OCA2: variants seen among roughly 807,000 people sequenced by gnomAD.
The protein encoded by OCA2 is OCA2 melanosomal transmembrane protein.
Under a neutral mutation model 100.2 loss-of-function variants are expected in OCA2, and 77 were observed. That is an observed-to-expected ratio of 0.77 (90% CI 0.64 to 0.93). OCA2 has a LOEUF of 0.93. Ranked by LOEUF, OCA2 falls within the 40% of genes least tolerant of loss-of-function variation. The pLI is 0.00. For synonymous variants in OCA2, 432 were observed against 439.2 expected (o/e 0.98, Z 0.21); for missense variants, 1,062 against 1,089.1 (o/e 0.98, Z 0.35).
At chr15:27,762,843 T>C (rs553048097) in intron 23 of OCA2, among the ~76,000 whole-genome samples, 16 of 152,386 alleles carry the variant, frequency 1.0e-4, no homozygotes, top group Middle Eastern at 3.4e-3. Flanking sequence ...AATCTCATGC[T>C]GATAACACAT....
chr15:27,856,735 T>C (rs548752389), intron 21 of OCA2, among the ~76,000 whole-genome samples: 20 of 149,624 alleles, frequency 1.3e-4, no homozygotes, highest in African/African-American at 4.2e-4. Context: ...CACACACACA[T>C]TTTTTGGGAG....
At chr15:27,811,389 TA>T (rs559135439) in intron 23 of OCA2, among the ~76,000 whole-genome samples, 1 of 151,998 alleles carries the variant, frequency 6.6e-6, no homozygotes, top group South Asian at 2.1e-4. Flanking sequence ...AGGTGTGACA[TA>T]AAAAATTACA....
chr15:28,036,956 A>G (rs1258404610), intron 2 of OCA2, among the ~76,000 whole-genome samples: 1 of 152,102 alleles, frequency 6.6e-6, no homozygotes, highest in Non-Finnish European at 1.5e-5. Flanking sequence ...AGCCGGTAAC[A>G]AGGAATACAA....
intron 2 of OCA2, among the ~76,000 whole-genome samples, chr15:28,072,753 A>G (rs1013275014): frequency 6.6e-6 from 1 of 152,150 alleles, no homozygotes; most frequent in Non-Finnish European, 1.5e-5. Context: ...ATGAGATACC[A>G]TCTCACACCA....
intron 23 of OCA2, among the ~76,000 whole-genome samples, chr15:27,798,148 T>C (rs1207690630): frequency 2.0e-5 from 3 of 152,120 alleles, no homozygotes; most frequent in Admixed American, 6.5e-5. Flanking sequence ...GAAAAGAAGA[T>C]GAAAATGTCT....
At chr15:28,051,289 T>G (rs909162581) in intron 2 of OCA2, among the ~76,000 whole-genome samples, 1 of 151,922 alleles carries the variant, frequency 6.6e-6, no homozygotes. Flanking sequence ...TTTATGGTTT[T>G]GTTTTGTTTT....
At chr15:27,970,474 C>CA (rs2040737427) in intron 14 of OCA2, among the ~76,000 whole-genome samples, 1 of 152,202 alleles carries the variant, frequency 6.6e-6, no homozygotes, top group African/African-American at 2.4e-5. Flanking sequence ...AACGCCCCAG[C>CA]AGGCACGGCA....
At chr15:28,017,587 C>T (rs1271061481) in intron 7 of OCA2, among the ~76,000 whole-genome samples, 1 of 152,218 alleles carries the variant, frequency 6.6e-6, no homozygotes, top group Non-Finnish European at 1.5e-5. Flanking sequence ...GCGTCAGCCA[C>T]GGTCCAGGAC....
rs547284617 is a variant in OCA2, at chr15:27,851,275, A to G, written c.2338+107T>C. ...TGTGTGTCCACTCAGGAAATCATCCAGACTCTCCTTCATTTGCTTTTAATC... is the reference window on the plus strand; with the variant it reads ...TGTGTGTCCACTCAGGAAATCATCCGGACTCTCCTTCATTTGCTTTTAATC... On this transcript the variant is annotated intron_variant, in intron 22 of 23. Coordinates refer to ENST00000354638, the MANE Select transcript of OCA2 (RefSeq NM_000275.3). The G allele has an allele frequency of 7.0e-4, 645 of 921,792 alleles. 2 individuals carry two copies. In the African/African-American group the frequency reaches 9.7e-3, roughly 14 times the overall value. The allele number at this position is 921,792 out of a possible 1,614,324, so 57.1% of individuals were successfully genotyped here.
rs117729381 is a variant in OCA2, at chr15:28,048,993, C to A, written c.228-16830G>T. Reference sequence around the variant, plus strand: ...CTCCAGCCTGGGTTACAGAGCAACACCCTGTCTCAAAAACAAGAGAACAAA... The same window carrying A: ...CTCCAGCCTGGGTTACAGAGCAACAACCTGTCTCAAAAACAAGAGAACAAA... On this transcript the variant is annotated intron_variant, in intron 2 of 23. Coordinates refer to ENST00000354638, the MANE Select transcript of OCA2 (RefSeq NM_000275.3). Among the ~76,000 whole-genome samples the A allele has an allele frequency of 1.1e-4, 16 of 152,188 alleles. No homozygotes were observed. In the East Asian group the frequency reaches 3.1e-3, roughly 29 times the overall value.
chr15:28,083,440 C>T (rs2141919397), intron 1 of OCA2, among the ~76,000 whole-genome samples: 1 of 152,328 alleles, frequency 6.6e-6, no homozygotes, highest in Non-Finnish European at 1.5e-5. Context: ...GAGCCGAAGG[C>T]AGGCCATGTC....
At chr15:27,909,288 GATTAA>G (rs1460001767) in intron 19 of OCA2, among the ~76,000 whole-genome samples, 1 of 152,152 alleles carries the variant, frequency 6.6e-6, no homozygotes, top group Non-Finnish European at 1.5e-5. Flanking sequence ...CCTGTTCTCA[GATTAA>G]ATTAATTAAC....
intron 1 of OCA2, among the ~76,000 whole-genome samples, chr15:28,097,402 G>A (rs943781435): frequency 2.0e-5 from 3 of 152,250 alleles, no homozygotes; most frequent in Non-Finnish European, 4.4e-5. Context: ...AGGGAGCTCC[G>A]GCTTGTGGAG....
intron 14 of OCA2, among the ~76,000 whole-genome samples, chr15:27,978,530 A>T (rs1309189267): frequency 6.6e-6 from 1 of 152,194 alleles, no homozygotes; most frequent in Non-Finnish European, 1.5e-5. Flanking sequence ...TATTATGATG[A>T]AATGTTCTTT....
chr15:27,869,036 C>A (rs1162685785), intron 21 of OCA2, among the ~76,000 whole-genome samples: 1 of 152,234 alleles, frequency 6.6e-6, no homozygotes, highest in African/African-American at 2.4e-5. Context: ...TTGTGACCAT[C>A]GCTGCATGCC....
intron 2 of OCA2, among the ~76,000 whole-genome samples, chr15:28,051,906 A>C (rs2043530291): frequency 6.6e-6 from 1 of 152,114 alleles, no homozygotes. Context: ...TATTCTGCAA[A>C]AAAATCAGGA....
chr15:27,849,939 C>A (rs2035685554), intron 22 of OCA2, among the ~76,000 whole-genome samples: 1 of 152,162 alleles, frequency 6.6e-6, no homozygotes, highest in Admixed American at 6.5e-5. Context: ...GTGCCAGGAA[C>A]AGGTGCCTTT....
chr15:27,813,713 G>C (rs531568276), intron 23 of OCA2, among the ~76,000 whole-genome samples: 13 of 152,258 alleles, frequency 8.5e-5, no homozygotes, highest in Non-Finnish European at 1.0e-4. Context: ...AGATGAAAGA[G>C]GCTTCTCACA....
intron 22 of OCA2, among the ~76,000 whole-genome samples, chr15:27,850,654 G>C (rs1288478032): frequency 6.6e-6 from 1 of 152,186 alleles, no homozygotes; most frequent in Non-Finnish European, 1.5e-5. Flanking sequence ...AAACTAACCA[G>C]AGAGGTATTG....
Sources: allele counts gnomAD v4.1 joint callset (sites outside exome capture counted in the v4.1 genomes callset), GRCh38; gene constraint gnomAD v4.1.1; transcripts MANE v1.5; gene names NCBI Gene and HGNC (gene_info 2026-07-23, HGNC 2026-07-21).